Variants in SYCP1 observed in about 807,000 individuals in gnomAD.
SYCP1 encodes cancer/testis antigen 8.
Under a neutral mutation model 153.1 loss-of-function variants are expected in SYCP1, and 64 were observed. The ratio of observed to expected loss-of-function variants is 0.42; its 90% confidence interval spans 0.34 to 0.51. The LOEUF (loss-of-function observed/expected upper bound fraction) is 0.51. Among genes scored for constraint, SYCP1 ranks in the 20% least tolerant of loss-of-function variants. SYCP1 has a pLI of 0.06. For missense variants in SYCP1, 997 were observed against 1,049.0 expected, an observed-to-expected ratio of 0.95 and a Z score of 0.68; for synonymous variants, 384 against 341.8, an observed-to-expected ratio of 1.12 and a Z score of -1.36.
intron 27 of SYCP1, among the ~76,000 whole-genome samples, chr1:114,974,848 C>T (rs1433535020): frequency 6.6e-6 from 1 of 151,640 alleles, no homozygotes; most frequent in Non-Finnish European, 1.5e-5. Flanking sequence ...GATATATTTC[C>T]AGAAGTGGGA....
intron 15 of SYCP1, among the ~76,000 whole-genome samples, chr1:114,894,436 T>C (rs1019607301): frequency 2.0e-5 from 3 of 152,182 alleles, no homozygotes; most frequent in Non-Finnish European, 4.4e-5. Context: ...GGGAACTCTG[T>C]AGGCAGTTTC....
chr1:114,924,511 G>A lies in SYCP1; in HGVS notation c.1800+981G>A, dbSNP rs578101222. ...ATCTAATCCAAACTTGAGCTAGGGC[G>A]TGCTTCCTGAAAGAAGTCACATTCA... On this transcript the variant is annotated intron_variant, in intron 21 of 31. Transcript: ENST00000369522. Among the ~76,000 whole-genome samples, 30 of 152,268 alleles carry A rather than the reference G, an allele frequency of 2.0e-4. No homozygotes were observed. The South Asian group carries it at 5.6e-3, about 28-fold the overall frequency.
In SYCP1 at chr1:114,857,136, C is replaced by CAAGAAAAAAA. The variant is rs1553183140; in HGVS notation, c.194-94_194-93insGAAAAAAAAA. Reference sequence around the variant, plus strand: ...ATAGTGCCAGATGTCCTCTCTCTCTCAAAAAAAAAAAAAAAAAAAAAGAGA... The same window carrying CAAGAAAAAAA: ...ATAGTGCCAGATGTCCTCTCTCTCTCAAGAAAAAAAAAAAAAAAAAAAAAAAAAAAAGAGA... On this transcript the variant is annotated intron_variant, in intron 3 of 31. Transcript: ENST00000369522. 4.7e-3 allele frequency: 1,146 copies of CAAGAAAAAAA among 245,102 alleles called. 13 individuals are homozygous for CAAGAAAAAAA. Among genetic ancestry groups the CAAGAAAAAAA allele is most frequent in the Non-Finnish European group, 6.1e-3 (1,042 of 170,110 alleles). The allele number at this position is 245,102 out of a possible 1,614,324, so 15.2% of individuals were successfully genotyped here. A position where few individuals can be genotyped will look rare whatever the true frequency, so the allele number is the denominator to read the frequency against.
chr1:114,958,326 G>A (rs1443349992), intron 27 of SYCP1, among the ~76,000 whole-genome samples: 2 of 152,068 alleles, frequency 1.3e-5, no homozygotes, highest in African/African-American at 4.8e-5. Flanking sequence ...ATTGATTAAT[G>A]GGTACAAATA....
chr1:114,991,587 C>T (rs1356331430), intron 30 of SYCP1, among the ~76,000 whole-genome samples: 1 of 151,632 alleles, frequency 6.6e-6, no homozygotes, highest in Non-Finnish European at 1.5e-5. Context: ...AAAAAGGTAC[C>T]TGGCAAAATC....
intron 15 of SYCP1, among the ~76,000 whole-genome samples, chr1:114,892,934 T>C (rs1421930079): frequency 6.6e-6 from 1 of 151,988 alleles, no homozygotes; most frequent in African/African-American, 2.4e-5. Context: ...ACTCAGAGGG[T>C]GGGTGGGACC....
intron 9 of SYCP1, among the ~76,000 whole-genome samples, chr1:114,875,548 C>T (rs1029243152): frequency 1.2e-4 from 19 of 152,114 alleles, no homozygotes; most frequent in Non-Finnish European, 2.5e-4. Context: ...CGTGAGCCCC[C>T]GCGCCCGGCC....
intron 23 of SYCP1, among the ~76,000 whole-genome samples, chr1:114,940,837 T>TA (rs1670338451): frequency 1.3e-5 from 2 of 152,340 alleles, no homozygotes; most frequent in East Asian, 3.9e-4. Flanking sequence ...TGCTTTTTTT[T>TA]ATTTGTGTTT....
At chr1:114,890,635 C>A (rs1402429581) in intron 15 of SYCP1, among the ~76,000 whole-genome samples, 1 of 152,052 alleles carries the variant, frequency 6.6e-6, no homozygotes, top group Non-Finnish European at 1.5e-5. Flanking sequence ...AAGGAGTGTA[C>A]AAAACATCAT....
chr1:114,959,412 T>C (rs1468179323), intron 27 of SYCP1, among the ~76,000 whole-genome samples: 1 of 152,188 alleles, frequency 6.6e-6, no homozygotes, highest in East Asian at 1.9e-4. Context: ...ATGAGAGCTA[T>C]TGAGCTATAG....
rs115063791 is a variant in SYCP1 at position 114,893,745 on chromosome 1, G to A, written c.1259-1703G>A. Among the ~76,000 whole-genome samples, 1,306 of 152,078 alleles carry A rather than the reference G, an allele frequency of 8.6e-3. 11 individuals carry two copies. The highest frequency in any genetic ancestry group is 0.03 in the African/African-American group (1,225 of 41,470). Reference sequence around the variant, plus strand: ...TTACAATCTAATTCTTCTGATTATGGGAGTGAGTGGGAGTTGCTGTGGGGA... The same window carrying A: ...TTACAATCTAATTCTTCTGATTATGAGAGTGAGTGGGAGTTGCTGTGGGGA... On this transcript the variant is annotated intron_variant, in intron 15 of 31. Coordinates refer to ENST00000369522, the MANE Select transcript of SYCP1 (RefSeq NM_003176.4).
chr1:114,939,199 T>C (rs1331823913), intron 23 of SYCP1, among the ~76,000 whole-genome samples: 1 of 152,168 alleles, frequency 6.6e-6, no homozygotes, highest in Non-Finnish European at 1.5e-5. Context: ...AAATGTGGCC[T>C]CTACATACAG....
At chr1:114,926,601 T>G (rs1259866278) in intron 23 of SYCP1, 38 bp downstream of exon 23, 1 of 1,472,190 alleles carries the variant, frequency 6.8e-7, no homozygotes, top group East Asian at 2.6e-5. Flanking sequence ...TAAATACTAA[T>G]AGATAGATGA....
At chr1:114,893,939 T>C (rs1006952133) in intron 15 of SYCP1, among the ~76,000 whole-genome samples, 1 of 151,868 alleles carries the variant, frequency 6.6e-6, no homozygotes, top group African/African-American at 2.4e-5. Flanking sequence ...TTGTTCCACA[T>C]AGCCTTCATT....
At chr1:114,932,908 TG>T (rs1291600890) in intron 23 of SYCP1, among the ~76,000 whole-genome samples, 1 of 152,200 alleles carries the variant, frequency 6.6e-6, no homozygotes, top group Non-Finnish European at 1.5e-5. Context: ...AAGCTCGAAC[TG>T]GGTGGAACCC....
At chr1:114,878,736 T>G (rs1232345488) in intron 12 of SYCP1, among the ~76,000 whole-genome samples, 1 of 152,078 alleles carries the variant, frequency 6.6e-6, no homozygotes, top group Non-Finnish European at 1.5e-5. Context: ...AGAGACGGGT[T>G]TTCGCCTTGT....
chr1:114,885,411 TA>T lies in SYCP1; in HGVS notation c.911-123del, dbSNP rs147267482. On this transcript the variant is annotated intron_variant, in intron 12 of 31. Coordinates refer to ENST00000369522, the MANE Select transcript of SYCP1 (RefSeq NM_003176.4). Reference sequence around the variant, plus strand: ...CAATATTTGTGTGTCTATATTTGCATATTTTCTTCTCATTTTGGACTATTAT... The same window carrying T: ...CAATATTTGTGTGTCTATATTTGCATTTTTCTTCTCATTTTGGACTATTAT... The T allele has an allele frequency of 5.2e-3, 2,907 of 556,900 alleles. 69 individuals are homozygous for T. The African/African-American group carries it at 0.053, about 10-fold the overall frequency. The allele number at this position is 556,900 out of a possible 1,614,324, so 34.5% of individuals were successfully genotyped here.
intron 27 of SYCP1, among the ~76,000 whole-genome samples, chr1:114,958,746 C>G (rs1671594589): frequency 7.0e-6 from 1 of 142,796 alleles, no homozygotes; most frequent in Admixed American, 7.1e-5. Context: ...CGGTGAAACC[C>G]TGTCTCTACT....
intron 25 of SYCP1, among the ~76,000 whole-genome samples, chr1:114,945,529 G>A (rs987041974): frequency 6.6e-6 from 1 of 151,514 alleles, no homozygotes; most frequent in Non-Finnish European, 1.5e-5. Context: ...GCTGGAATAC[G>A]AGATTATTAT....
Sources: allele counts gnomAD v4.1 joint callset (sites outside exome capture counted in the v4.1 genomes callset), GRCh38; gene constraint gnomAD v4.1.1; transcripts MANE v1.5; gene names NCBI Gene and HGNC (gene_info 2026-07-23, HGNC 2026-07-21).